Variants in LMBR1 observed in about 807,000 individuals in gnomAD.
The protein encoded by LMBR1 is limb region 1 protein homolog.
In LMBR1, 52 loss-of-function variants were observed where a neutral mutation model predicts 73.9. That is an observed-to-expected ratio of 0.70 (90% CI 0.56 to 0.89). LMBR1 has a LOEUF of 0.89. Ranked by LOEUF, LMBR1 falls within the 40% of genes least tolerant of loss-of-function variation. The probability of loss-of-function intolerance (pLI) is 0.00; values close to 1 mark genes in which losing one functional copy is unlikely to be tolerated. For missense variants in LMBR1, 539 were observed against 579.8 expected, an observed-to-expected ratio of 0.93 and a Z score of 0.72; for synonymous variants, 215 against 209.4, an observed-to-expected ratio of 1.03 and a Z score of -0.23.
chr7:156,670,389 T>C lies in LMBR1; in HGVS notation n.867-1102A>G, dbSNP rs1346244314. Among the ~76,000 whole-genome samples, 1 of 152,154 alleles carries C rather than the reference T, an allele frequency of 6.6e-6. No individual in the cohort carries two copies. Reference sequence around the variant, plus strand: ...CCCCTGGAAAGCGGGTCCAGGGAAGTGACTTGCCTAAGAGAGGATGTGGCG... The same window carrying C: ...CCCCTGGAAAGCGGGTCCAGGGAAGCGACTTGCCTAAGAGAGGATGTGGCG... On this transcript the variant is annotated intron_variant and non_coding_transcript_variant, in intron 4 of 4. Transcript: ENST00000430825. The surrounding 1 kb of genome is among the most constrained non-coding windows in gnomAD (Gnocchi z 4.3).
chr7:156,800,961 C>G (rs1370712837), intron 4 of LMBR1, among the ~76,000 whole-genome samples: 1 of 152,210 alleles, frequency 6.6e-6, no homozygotes, highest in African/African-American at 2.4e-5. Flanking sequence ...GAACGAGGAG[C>G]TGCTTCTTAG....
At chr7:156,766,543 C>T (rs1203436748) in intron 5 of LMBR1, among the ~76,000 whole-genome samples, 5 of 152,104 alleles carry the variant, frequency 3.3e-5, no homozygotes, top group Non-Finnish European at 7.4e-5. Flanking sequence ...AAATCTCAGA[C>T]TTTTCACAGT....
intron 10 of LMBR1, among the ~76,000 whole-genome samples, chr7:156,732,510 G>T (rs958986425): frequency 1.3e-5 from 2 of 152,148 alleles, no homozygotes; most frequent in African/African-American, 4.8e-5. Context: ...ATTCAGTAAA[G>T]AATTCATAAA....
chr7:156,888,936 C>A (rs1443233928), intron 1 of LMBR1, among the ~76,000 whole-genome samples: 3 of 151,950 alleles, frequency 2.0e-5, no homozygotes, highest in African/African-American at 7.3e-5. Flanking sequence ...TGCCTGTAAT[C>A]CCAGCTACTC....
chr7:156,684,293 C>T, intron 16 of LMBR1, 130 bp from the exon 17 acceptor site: 2 of 706,666 alleles, frequency 2.8e-6, no homozygotes, highest in East Asian at 5.3e-5. Context: ...CTGGCCAGAT[C>T]CCCTTGAGGA....
chr7:156,739,955 A>C (rs529625291), intron 9 of LMBR1, among the ~76,000 whole-genome samples: 2 of 152,340 alleles, frequency 1.3e-5, no homozygotes, highest in African/African-American at 4.8e-5. Flanking sequence ...CCTTTCAGAC[A>C]GAATTCAAAA....
At chr7:156,718,813 T>C (rs1478508483) in intron 15 of LMBR1, among the ~76,000 whole-genome samples, 8 of 152,130 alleles carry the variant, frequency 5.3e-5, no homozygotes, top group Non-Finnish European at 1.0e-4. Flanking sequence ...CTTACGATCA[T>C]TTGTCTAGTT....
At chr7:156,698,113 C>G (rs1298275198) in intron 15 of LMBR1, among the ~76,000 whole-genome samples, 1 of 152,224 alleles carries the variant, frequency 6.6e-6, no homozygotes. Context: ...TCCAGCAGGG[C>G]AGTCAAATCT....
chr7:156,722,221 G>T (rs995075685), intron 15 of LMBR1, among the ~76,000 whole-genome samples: 5 of 152,080 alleles, frequency 3.3e-5, no homozygotes, highest in African/African-American at 1.2e-4. Context: ...TAAGGTCAGG[G>T]TTTCCTTGAG....
intron 1 of LMBR1, among the ~76,000 whole-genome samples, chr7:156,852,763 C>T (rs754959186): frequency 3.9e-5 from 6 of 152,142 alleles, no homozygotes; most frequent in Non-Finnish European, 7.3e-5. Context: ...AACAGAGATG[C>T]TGTTAAAATC....
rs182572414 is a variant in LMBR1, at chr7:156,681,317, C to T, written c.*2761G>A. ...TCTGAGAGCAAAACGCGAGAGGCTCCGTCCATCTCTACTAACCAGCACCTT... is the reference window on the plus strand; with the variant it reads ...TCTGAGAGCAAAACGCGAGAGGCTCTGTCCATCTCTACTAACCAGCACCTT... On this transcript the variant is annotated 3_prime_UTR_variant, in exon 17 of 17. Transcript: ENST00000353442. The T allele has an allele frequency of 9.6e-4, 348 of 364,254 alleles. 2 individuals carry two copies. The East Asian group carries it at 0.014, about 15-fold the overall frequency. The allele number at this position is 364,254 out of a possible 1,614,324, so 22.6% of individuals were successfully genotyped here. A position where few individuals can be genotyped will look rare whatever the true frequency, so the allele number is the denominator to read the frequency against.
chr7:156,713,454 G>A (rs911086578), intron 15 of LMBR1, among the ~76,000 whole-genome samples: 1 of 152,196 alleles, frequency 6.6e-6, no homozygotes, highest in Non-Finnish European at 1.5e-5. Flanking sequence ...TCTGGTGGGA[G>A]ATGTTGGCAG....
rs561070359 is a variant in LMBR1 at position 156,678,943 on chromosome 7, T to A, written c.*5135A>T. On this transcript the variant is annotated 3_prime_UTR_variant, in exon 17 of 17. Transcript: ENST00000353442. ...TGGGACTGGAGGCATTTGATAAGAA[T>A]AAAGGTTATAATCTAGAATGAGGAT... 1 of 152,274 alleles carries A rather than the reference T, an allele frequency of 6.6e-6. No homozygotes were observed. The highest frequency in any genetic ancestry group is 2.1e-4 in the South Asian group (1 of 4,828). 9.4% of individuals were successfully genotyped at this position (152,274 alleles called of 1,614,324 possible).
chr7:156,801,419 C>T (rs184775741), intron 4 of LMBR1, among the ~76,000 whole-genome samples: 6 of 152,312 alleles, frequency 3.9e-5, no homozygotes, highest in African/African-American at 1.2e-4. Flanking sequence ...TTTATATGCT[C>T]TGAGAAATCA....
intron 10 of LMBR1, among the ~76,000 whole-genome samples, chr7:156,729,709 G>A (rs1263557995): frequency 2.0e-5 from 3 of 152,016 alleles, no homozygotes; most frequent in Non-Finnish European, 4.4e-5. Flanking sequence ...TCCTGACCTC[G>A]TGATCCACCC....
chr7:156,785,940 G>C (rs986446778), intron 5 of LMBR1, among the ~76,000 whole-genome samples: 2 of 152,120 alleles, frequency 1.3e-5, no homozygotes, highest in Non-Finnish European at 2.9e-5. Flanking sequence ...ATAGTACCTA[G>C]CATGCAATAA....
At chr7:156,720,750 T>C (rs187855657) in intron 15 of LMBR1, among the ~76,000 whole-genome samples, 64 of 151,848 alleles carry the variant, frequency 4.2e-4, no homozygotes, top group Admixed American at 1.5e-3. Context: ...TCATATATAC[T>C]TTTTGGTGAG....
downstream of LMBR1, among the ~76,000 whole-genome samples, chr7:156,673,902 T>C (rs1393220856): frequency 1.0e-5 from 1 of 95,736 alleles, no homozygotes; most frequent in African/African-American, 6.3e-5. Context: ...TTGCTCCACA[T>C]TAATAAAAAA....
intron 5 of LMBR1, among the ~76,000 whole-genome samples, chr7:156,777,514 G>A (rs1410933952): frequency 6.6e-6 from 1 of 152,156 alleles, no homozygotes; most frequent in Non-Finnish European, 1.5e-5. Context: ...ATGTCAACCT[G>A]CATCATAATT....
Sources: gnomAD v4.1 joint callset for allele counts (sites outside exome capture counted in the v4.1 genomes callset) on GRCh38, gnomAD v4.1.1 for gene constraint, Gnocchi (gnomAD v3.1) non-coding constraint, MANE v1.5 for transcripts, NCBI Gene and HGNC (gene_info 2026-07-23, HGNC 2026-07-21) for gene names.